Variants in KHDRBS2 observed in about 807,000 individuals in gnomAD.
The protein encoded by KHDRBS2 is KH RNA binding domain containing, signal transduction associated 2, also known as KH domain-containing, RNA-binding, signal transduction-associated protein 2.
A neutral mutation model predicts 44.3 loss-of-function variants in KHDRBS2; 26 were observed. The ratio of observed to expected loss-of-function variants is 0.59; its 90% CI spans 0.43 to 0.81. KHDRBS2 has a LOEUF of 0.81. Among genes scored for constraint, KHDRBS2 ranks in the 40% least tolerant of loss-of-function variants. The probability of loss-of-function intolerance (pLI) is 0.00; values close to 1 mark genes in which losing one functional copy is unlikely to be tolerated. For synonymous variants in KHDRBS2, 194 were observed against 151.1 expected, an observed-to-expected ratio of 1.28 and a Z score of -2.08; for missense variants, 476 against 433.1, an observed-to-expected ratio of 1.10 and a Z score of -0.88.
the KHDRBS2 span, among the ~76,000 whole-genome samples, chr6:61,622,827 C>A: frequency 6.6e-6 from 1 of 151,466 alleles, no homozygotes; most frequent in Non-Finnish European, 1.5e-5. Flanking sequence ...TCTGCATCAC[C>A]AAGAACGTCA....
chr6:62,028,890 T>G (rs1422879138), intron 3 of KHDRBS2, among the ~76,000 whole-genome samples: 1 of 152,108 alleles, frequency 6.6e-6, no homozygotes, highest in East Asian at 1.9e-4. Context: ...ATGAAAAACA[T>G]GTCTTCAAAA....
chr6:61,711,039 G>T (rs1029794570), intron 7 of KHDRBS2, among the ~76,000 whole-genome samples: 1 of 150,340 alleles, frequency 6.7e-6, no homozygotes, highest in Non-Finnish European at 1.5e-5. Context: ...ATTAATCAAA[G>T]CCTGAGCAAT....
chr6:61,983,665 C>G (rs535074664), intron 3 of KHDRBS2, among the ~76,000 whole-genome samples: 4 of 152,072 alleles, frequency 2.6e-5, no homozygotes, highest in Admixed American at 6.6e-5. Context: ...AAAACTCCAG[C>G]AGAGGAAACT....
At chr6:62,121,353 G>A (rs1038481564) in intron 2 of KHDRBS2, among the ~76,000 whole-genome samples, 2 of 152,166 alleles carry the variant, frequency 1.3e-5, no homozygotes, top group African/African-American at 2.4e-5. Context: ...ACTCAGGGGT[G>A]GTGATTCCCA....
intron 2 of KHDRBS2, among the ~76,000 whole-genome samples, chr6:62,079,283 T>A (rs545315525): frequency 1.4e-3 from 217 of 152,040 alleles, no homozygotes; most frequent in African/African-American, 4.6e-3. Context: ...CAGATTTACA[T>A]GTTAATCTTT....
chr6:62,135,377 C>T (rs1322644526), intron 2 of KHDRBS2, among the ~76,000 whole-genome samples: 4 of 152,154 alleles, frequency 2.6e-5, no homozygotes, highest in African/African-American at 7.2e-5. Flanking sequence ...ACCTCTTTTC[C>T]TTTATGAGTT....
At chr6:62,120,350 T>C (rs1390871218) in intron 2 of KHDRBS2, among the ~76,000 whole-genome samples, 2 of 152,180 alleles carry the variant, frequency 1.3e-5, no homozygotes, top group Non-Finnish European at 2.9e-5. Context: ...CTTTCACCAA[T>C]ACTTCGTGAA....
chr6:61,909,274 G>T (rs1459314406), intron 4 of KHDRBS2, among the ~76,000 whole-genome samples: 1 of 151,890 alleles, frequency 6.6e-6, no homozygotes, highest in Non-Finnish European at 1.5e-5. Context: ...TTGCCATGTT[G>T]CCCAGGCTGG....
chr6:62,179,493 A>G (rs1563012163), intron 1 of KHDRBS2, among the ~76,000 whole-genome samples: 1 of 151,676 alleles, frequency 6.6e-6, no homozygotes, highest in East Asian at 1.9e-4. Flanking sequence ...AAGAAAATCC[A>G]TTCATCATGT....
intron 6 of KHDRBS2, among the ~76,000 whole-genome samples, chr6:61,793,393 G>A (rs929396991): frequency 1.3e-5 from 2 of 151,898 alleles, no homozygotes; most frequent in Non-Finnish European, 2.9e-5. Context: ...ATATAAATAA[G>A]ACACAAATAT....
At chr6:61,630,022 A>AT in the KHDRBS2 span, among the ~76,000 whole-genome samples, 1 of 152,200 alleles carries the variant, frequency 6.6e-6, no homozygotes, top group Non-Finnish European at 1.5e-5. Context: ...GTCAATACGC[A>AT]TTTTAAAATG....
Position 62,285,844 on chromosome 6 carries a change from G to A in KHDRBS2, c.91+14C>T. ...AGCCGGCGGTTTGTGCCCATCTGTG[G>A]GGGCAAGTCCTACCTTCTGCCAAAA... On this transcript the variant is annotated intron_variant, in intron 1 of 8. Transcript: ENST00000281156. 6.2e-7 allele frequency: 1 copy of A among 1,600,764 alleles called. No homozygotes were observed. The highest frequency in any genetic ancestry group is 1.3e-5 in the African/African-American group (1 of 74,328).
intron 3 of KHDRBS2, among the ~76,000 whole-genome samples, chr6:61,978,498 G>A (rs768860202): frequency 6.6e-6 from 1 of 152,030 alleles, no homozygotes; most frequent in African/African-American, 2.4e-5. Flanking sequence ...ATAAGTCACA[G>A]AATTGCCATT....
At chr6:62,277,707 T>C (rs1420310425) in intron 1 of KHDRBS2, among the ~76,000 whole-genome samples, 1 of 152,112 alleles carries the variant, frequency 6.6e-6, no homozygotes, top group Non-Finnish European at 1.5e-5. Context: ...TGCAGTAGAG[T>C]ACTAGTCTGA....
At chr6:62,012,276 AT>A (rs1406022873) in intron 3 of KHDRBS2, among the ~76,000 whole-genome samples, 1 of 152,154 alleles carries the variant, frequency 6.6e-6, no homozygotes. Context: ...CTCAAAACAC[AT>A]TCCAAAATCA....
chr6:61,910,072 TACAA>T (rs2127350337), intron 4 of KHDRBS2, among the ~76,000 whole-genome samples: 1 of 152,342 alleles, frequency 6.6e-6, no homozygotes, highest in Non-Finnish European at 1.5e-5. Context: ...TCTCAGCTCC[TACAA>T]ACAGATTAGG....
chr6:61,756,820 C>T (rs892219726), intron 6 of KHDRBS2, among the ~76,000 whole-genome samples: 23 of 152,224 alleles, frequency 1.5e-4, no homozygotes, highest in African/African-American at 4.6e-4. Flanking sequence ...ACATATTAAG[C>T]ATCCCCAAAT....
At chr6:62,015,239 G>A (rs570494976) in intron 3 of KHDRBS2, among the ~76,000 whole-genome samples, 71 of 152,264 alleles carry the variant, frequency 4.7e-4, no homozygotes, top group Non-Finnish European at 8.7e-4. Context: ...AACAGAGTTA[G>A]AGGAATTTTC....
At chr6:62,200,407 C>A (rs1172349281) in intron 1 of KHDRBS2, among the ~76,000 whole-genome samples, 3 of 152,262 alleles carry the variant, frequency 2.0e-5, no homozygotes, top group Middle Eastern at 3.4e-3. Context: ...CAAACAACCC[C>A]ATCAACAAGT....
Sources: gnomAD v4.1 joint callset for allele counts (sites outside exome capture counted in the v4.1 genomes callset) on GRCh38, gnomAD v4.1.1 for gene constraint, MANE v1.5 for transcripts, NCBI Gene and HGNC (gene_info 2026-07-23, HGNC 2026-07-21) for gene names.